Variants in CCDC126 observed in about 807,000 individuals in gnomAD.
The protein encoded by CCDC126 is coiled-coil domain containing 126, also known as coiled-coil domain-containing protein 126.
Under a neutral mutation model 11.7 loss-of-function variants are expected in CCDC126, and 5 were observed. The ratio of observed to expected loss-of-function variants is 0.43; its 90% CI spans 0.22 to 0.90. The LOEUF is 0.90. CCDC126 is among the 40% of genes least tolerant of loss of function. The pLI is 0.27. For missense variants in CCDC126, 150 were observed against 163.1 expected (o/e 0.92, Z 0.44); for synonymous variants, 60 against 61.9 (o/e 0.97, Z 0.14).
At chr7:23,601,925 G>A (rs915215550) in intron 2 of CCDC126, 4 of 151,964 alleles carry the variant, frequency 2.6e-5, no homozygotes, top group African/African-American at 7.3e-5. Context: ...GCTTCAAGAA[G>A]TCCTCCCACC....
chr7:23,639,827 T>C lies in CCDC126; in HGVS notation c.239-3104T>C, dbSNP rs577453573. 7.8e-4 allele frequency among the ~76,000 whole-genome samples: 119 copies of C among 152,324 alleles called. 1 individual carries two copies. The highest frequency in any genetic ancestry group is 1.0e-3 in the Non-Finnish European group (68 of 68,026). ...GGTAGTACTACTCCTTTCTGATACC[T>C]TTTTTCCCCACTTCTAAACAATTGT... On this transcript the variant is annotated intron_variant, in intron 3 of 3. Transcript: ENST00000307471.
chr7:23,629,464 G>A (rs1388254612), intron 3 of CCDC126, among the ~76,000 whole-genome samples: 1 of 152,168 alleles, frequency 6.6e-6, no homozygotes, highest in African/African-American at 2.4e-5. Flanking sequence ...GTGGTGTTTT[G>A]TGATGGCAGC....
intron 3 of CCDC126, among the ~76,000 whole-genome samples, chr7:23,633,200 C>T (rs559422766): frequency 1.1e-3 from 166 of 152,232 alleles, no homozygotes; most frequent in African/African-American, 3.7e-3. Flanking sequence ...CCATGTTGAT[C>T]GGGCTGGTCT....
rs186674124 is a variant in CCDC126 at position 23,606,628 on chromosome 7, C to T, written c.-145-4543C>T. On this transcript the variant is annotated intron_variant, in intron 2 of 3. Coordinates refer to ENST00000307471, the MANE Select transcript of CCDC126 (RefSeq NM_138771.4). ...CTGATACTTCATTTTAAGTGTGTCCCCTCTCCTTAGTTATTCTACTTTTGT... is the reference window on the plus strand; with the variant it reads ...CTGATACTTCATTTTAAGTGTGTCCTCTCTCCTTAGTTATTCTACTTTTGT... Among the ~76,000 whole-genome samples, 16 of 152,166 alleles carry T rather than the reference C, an allele frequency of 1.1e-4. 1 individual carries two copies. The highest frequency in any genetic ancestry group is 9.2e-4 in the Admixed American group (14 of 15,286).
rs142172441 is a variant in CCDC126, at chr7:23,613,689, A to G, written c.238+2136A>G. 5.7e-3 allele frequency among the ~76,000 whole-genome samples: 863 copies of G among 152,316 alleles called. 11 individuals are homozygous for G. The highest frequency in any genetic ancestry group is 0.02 in the African/African-American group (833 of 41,578). On this transcript the variant is annotated intron_variant, in intron 3 of 3. Transcript: ENST00000307471. The stretch of plus-strand genomic sequence containing the variant: ...GTTTAGAATAATATTCAGTATTTAT[A>G]CTATTATGACCATGTTGATGGTATT...
At chr7:23,636,747 G>T (rs1160631189) in intron 3 of CCDC126, among the ~76,000 whole-genome samples, 1 of 145,190 alleles carries the variant, frequency 6.9e-6, no homozygotes, top group African/African-American at 2.6e-5. Context: ...CCGCCCGGCA[G>T]CCACCCCGTC....
At chr7:23,636,841 C>G (rs1234725722) in intron 3 of CCDC126, among the ~76,000 whole-genome samples, 2 of 123,480 alleles carry the variant, frequency 1.6e-5, no homozygotes, top group Non-Finnish European at 3.5e-5. Context: ...GCCCGGCCGC[C>G]CCTACTGGAA....
At chr7:23,631,720 C>T (rs1367942455) in intron 3 of CCDC126, among the ~76,000 whole-genome samples, 1 of 151,568 alleles carries the variant, frequency 6.6e-6, no homozygotes, top group East Asian at 1.9e-4. Context: ...GAGATGGAGC[C>T]ACTGCACCTC....
At chr7:23,623,320 A>T (rs1242304810) in intron 3 of CCDC126, among the ~76,000 whole-genome samples, 1 of 152,092 alleles carries the variant, frequency 6.6e-6, no homozygotes, top group African/African-American at 2.4e-5. Context: ...ATTTTAGACC[A>T]GGCATGGTGG....
rs1350391500 is a variant in CCDC126, at chr7:23,639,231, ACCCAGGCTGGAGTGC to A, written c.239-3699_239-3685del. On this transcript the variant is annotated intron_variant, in intron 3 of 3. Coordinates refer to ENST00000307471, the MANE Select transcript of CCDC126 (RefSeq NM_138771.4). Reference sequence around the variant, plus strand: ...TTTTGAGATGGAGTCTCGCTCTGTCACCCAGGCTGGAGTGCAGTGGCACGATCTCAGCTCACTGCA... The same window carrying A: ...TTTTGAGATGGAGTCTCGCTCTGTCAAGTGGCACGATCTCAGCTCACTGCA... Among the ~76,000 whole-genome samples, 119 of 143,732 alleles carry A rather than the reference ACCCAGGCTGGAGTGC, an allele frequency of 8.3e-4. 1 individual carries two copies. In the Middle Eastern group the frequency reaches 0.011, roughly 14 times the overall value. 94.3% of individuals were successfully genotyped at this position (143,732 alleles called of 152,430 possible).
chr7:23,622,066 G>C (rs1029147230), intron 3 of CCDC126, among the ~76,000 whole-genome samples: 2 of 152,148 alleles, frequency 1.3e-5, no homozygotes, highest in African/African-American at 4.8e-5. Flanking sequence ...TCTCTGCCAG[G>C]CTTTGGTATC....
intron 2 of CCDC126, among the ~76,000 whole-genome samples, chr7:23,605,107 G>T (rs116818356): frequency 6.6e-6 from 1 of 152,106 alleles, no homozygotes; most frequent in African/African-American, 2.4e-5. Context: ...TTTGAACTAA[G>T]TACTAAAGGA....
At chr7:23,612,459 A>G (rs1584198330) in intron 3 of CCDC126, among the ~76,000 whole-genome samples, 2 of 113,654 alleles carry the variant, frequency 1.8e-5, no homozygotes, top group East Asian at 3.0e-4. Context: ...TGGGTGACAG[A>G]GTTAGACTCC....
At chr7:23,602,629 T>G (rs1416237912) in intron 2 of CCDC126, among the ~76,000 whole-genome samples, 1 of 152,206 alleles carries the variant, frequency 6.6e-6, no homozygotes, top group Admixed American at 6.5e-5. Flanking sequence ...ATAAGGAATT[T>G]GTTGACTGCT....
chr7:23,617,861 TG>T (rs1347258356), intron 3 of CCDC126, among the ~76,000 whole-genome samples: 13 of 152,336 alleles, frequency 8.5e-5, no homozygotes, highest in South Asian at 8.3e-4. Context: ...TAATTGAATT[TG>T]TGGATGCAGA....
At chr7:23,636,769 T>TG (rs768299331) in intron 3 of CCDC126, among the ~76,000 whole-genome samples, 2,150 of 104,294 alleles carry the variant, frequency 0.021, 21 homozygotes, top group African/African-American at 0.03. Context: ...GGGAGGGAGG[T>TG]GGGGGGGGGG....
At chr7:23,628,491 C>G (rs548356380) in intron 3 of CCDC126, among the ~76,000 whole-genome samples, 79 of 152,330 alleles carry the variant, frequency 5.2e-4, no homozygotes, top group African/African-American at 1.8e-3. Context: ...AGCCAAACAT[C>G]ACAGAAAAAA....
intron 3 of CCDC126, 149 bp downstream of exon 3, chr7:23,611,702 A>G: frequency 1.1e-5 from 7 of 634,014 alleles, no homozygotes. Flanking sequence ...ACTGAAAAAT[A>G]GAGATACTAT....
intron 3 of CCDC126, among the ~76,000 whole-genome samples, chr7:23,628,554 C>G (rs967087194): frequency 2.0e-5 from 3 of 152,198 alleles, no homozygotes; most frequent in Admixed American, 6.5e-5. Flanking sequence ...TAAGCCTAGA[C>G]TTTTATCCTT....
Sources: gnomAD v4.1 joint callset for allele counts (sites outside exome capture counted in the v4.1 genomes callset) on GRCh38, gnomAD v4.1.1 for gene constraint, MANE v1.5 for transcripts, NCBI Gene and HGNC (gene_info 2026-07-23, HGNC 2026-07-21) for gene names.